Variants in FYB2 observed in about 807,000 individuals in gnomAD.
FYB2 encodes the protein FYN binding protein 2.
Under a neutral mutation model 94.1 loss-of-function variants are expected in FYB2, and 103 were observed. The observed-to-expected ratio is 1.09, with a 90% CI of 0.93 to 1.29. The LOEUF (loss-of-function observed/expected upper bound fraction) is 1.29, where lower values mean the gene tolerates loss of function less well. FYB2 is among the 50% of genes most tolerant of loss of function. FYB2 has a pLI of 0.00. For synonymous variants in FYB2, 293 were observed against 287.9 expected (o/e 1.02, Z -0.18); for missense variants, 896 against 841.5 (o/e 1.06, Z -0.80).
intron 4 of FYB2, among the ~76,000 whole-genome samples, chr1:56,779,896 C>G (rs1241741608): frequency 6.6e-6 from 1 of 152,062 alleles, no homozygotes. Flanking sequence ...GTTCATATCC[C>G]AAATAAACTC....
At chr1:56,799,407 GAAAC>G (rs1352017928) in intron 1 of FYB2, among the ~76,000 whole-genome samples, 1 of 151,960 alleles carries the variant, frequency 6.6e-6, no homozygotes, top group Non-Finnish European at 1.5e-5. Flanking sequence ...TCACACCATT[GAAAC>G]AAACAAAAAT....
intron 15 of FYB2, among the ~76,000 whole-genome samples, chr1:56,736,859 A>T (rs1033461363): frequency 3.9e-5 from 6 of 152,274 alleles, no homozygotes; most frequent in Non-Finnish European, 8.8e-5. Context: ...ATTCAAAAAT[A>T]AAAAACAGAA....
chr1:56,792,607 C>G lies in FYB2; in HGVS notation c.206G>C (p.Ser69Thr), dbSNP rs1488320855. ...HKQRTPYCSS[S>T]ESQPLQPQKI... ...CTGAGGTTGAAGAGGCTGGGACTCA[C>G]TACTGGAACAGTATGGTGTGCGCTG... is the stretch of plus-strand genomic sequence containing the variant. Residue 69 changes from serine to threonine, a missense_variant, in exon 2 of 20, where the codon AGT becomes ACT. By Grantham distance (58) the Ser-to-Thr change is moderately conservative. Coordinates refer to ENST00000343433, the MANE Select transcript of FYB2 (RefSeq NM_001004303.5). 1 of 1,614,116 alleles carries G rather than the reference C, an allele frequency of 6.2e-7. No homozygotes were observed. The highest frequency in any genetic ancestry group is 8.5e-7 in the Non-Finnish European group (1 of 1,180,006).
At chr1:56,807,332 T>C (rs1646670815) in intron 1 of FYB2, among the ~76,000 whole-genome samples, 1 of 152,154 alleles carries the variant, frequency 6.6e-6, no homozygotes. Flanking sequence ...ATTTCTTAGA[T>C]TTGTTTTCTA....
intron 4 of FYB2, among the ~76,000 whole-genome samples, chr1:56,782,205 T>A (rs1443904938): frequency 6.6e-6 from 1 of 152,162 alleles, no homozygotes; most frequent in Non-Finnish European, 1.5e-5. Flanking sequence ...ACACTAGTTC[T>A]TATTTCTTCT....
At chr1:56,767,699 A>G in intron 5 of FYB2, 130 bp downstream of exon 5, 1 of 704,990 alleles carries the variant, frequency 1.4e-6, no homozygotes, top group South Asian at 1.9e-5. Flanking sequence ...AAAAAAAGAA[A>G]AAGAAATAAG....
At chr1:56,721,592 ACTC>A (rs57336775) in intron 17 of FYB2, among the ~76,000 whole-genome samples, 22,278 of 137,702 alleles carry the variant, frequency 0.16, 2,659 homozygotes, top group African/African-American at 0.34. Context: ...AGTTCTAAAA[ACTC>A]CTTATTGCTT....
intron 1 of FYB2, among the ~76,000 whole-genome samples, chr1:56,796,181 G>A (rs530941186): frequency 1.8e-4 from 28 of 152,206 alleles, no homozygotes; most frequent in African/African-American, 6.5e-4. Context: ...GGTGATCTCC[G>A]AAGCCCCTTC....
chr1:56,732,244 A>G (rs912571993), intron 15 of FYB2, among the ~76,000 whole-genome samples: 1 of 152,320 alleles, frequency 6.6e-6, no homozygotes, highest in South Asian at 2.1e-4. Flanking sequence ...GCTGCAAAAA[A>G]CAAAAATACA....
chr1:56,772,926 G>C (rs1206452674), intron 4 of FYB2, among the ~76,000 whole-genome samples: 1 of 152,082 alleles, frequency 6.6e-6, no homozygotes, highest in Non-Finnish European at 1.5e-5. Flanking sequence ...TTTTTTATTA[G>C]TGGCATAGCA....
intron 1 of FYB2, among the ~76,000 whole-genome samples, chr1:56,804,677 C>G (rs1337480038): frequency 6.6e-6 from 1 of 152,024 alleles, no homozygotes; most frequent in Non-Finnish European, 1.5e-5. Flanking sequence ...TTGCAGTGAG[C>G]CGAGATGGCA....
At chr1:56,801,207 T>C (rs1361728) in intron 1 of FYB2, among the ~76,000 whole-genome samples, 7,420 of 152,252 alleles carry the variant, frequency 0.049, 582 homozygotes, top group African/African-American at 0.16. Context: ...GCTCTTCTTG[T>C]GCTCTCCCAA....
intron 4 of FYB2, among the ~76,000 whole-genome samples, chr1:56,782,157 GATT>G (rs1646023391): frequency 1.3e-5 from 2 of 152,126 alleles, no homozygotes; most frequent in Admixed American, 1.3e-4. Flanking sequence ...ATGTACAATA[GATT>G]ATTGTTAATT....
intron 8 of FYB2, among the ~76,000 whole-genome samples, chr1:56,753,166 C>T (rs1569998131): frequency 6.6e-6 from 1 of 152,186 alleles, no homozygotes; most frequent in African/African-American, 2.4e-5. Flanking sequence ...ATAGGCACAT[C>T]TCAAACAGGT....
chr1:56,792,751 G>A lies in FYB2; in HGVS notation c.62C>T (p.Ala21Val). The change falls in exon 2 of 20, where the codon GCT (alanine) becomes GTT (valine). Residue 21 changes from alanine to valine, a missense_variant. Coordinates refer to ENST00000343433, the MANE Select transcript of FYB2 (RefSeq NM_001004303.5). ...ELRAKFQNLDAPPLPGPIKFP... is the reference protein window; with the variant it reads ...ELRAKFQNLDVPPLPGPIKFP... ...TTTAATAGGTCCTGGAAGAGGTGGA[G>A]CATCAAGATTTTGAAATTTGGCTCG... is the stretch of plus-strand genomic sequence containing the variant. 1.9e-6 allele frequency: 3 copies of A among 1,613,768 alleles called. No individual in the cohort carries two copies. The highest frequency in any genetic ancestry group is 2.5e-6 in the Non-Finnish European group (3 of 1,179,848).
chr1:56,826,422 T>G, the FYB2 span: 1 of 152,570 alleles, frequency 6.6e-6, no homozygotes, highest in South Asian at 2.1e-4. Context: ...TTCTCCAGCC[T>G]TGGCTCCCAT....
chr1:56,722,993 C>T (rs78995454), intron 17 of FYB2, among the ~76,000 whole-genome samples: 3 of 151,770 alleles, frequency 2.0e-5, no homozygotes, highest in Admixed American at 2.0e-4. Context: ...AAAAAATGTC[C>T]CATGGACTCT....
intron 15 of FYB2, among the ~76,000 whole-genome samples, chr1:56,733,484 T>C (rs978809903): frequency 6.6e-6 from 1 of 152,012 alleles, no homozygotes; most frequent in Non-Finnish European, 1.5e-5. Flanking sequence ...GCTTTTGAAT[T>C]TGTTTGCTCT....
chr1:56,815,861 C>T (rs1646871307), intron 1 of FYB2, among the ~76,000 whole-genome samples: 2 of 152,200 alleles, frequency 1.3e-5, no homozygotes, highest in African/African-American at 4.8e-5. Flanking sequence ...CTCAAAAATG[C>T]TACAATTATC....
Sources: allele counts gnomAD v4.1 joint callset (sites outside exome capture counted in the v4.1 genomes callset), GRCh38; gene constraint gnomAD v4.1.1; transcripts MANE v1.5; gene names NCBI Gene and HGNC (gene_info 2026-07-23, HGNC 2026-07-21).